The following NCOR2 variants were observed in gnomAD, a reference collection of about 807,000 sequenced individuals.
NCOR2 encodes CTG repeat protein 26.
Under a neutral mutation model 262.9 loss-of-function variants are expected in NCOR2, and 81 were observed. The observed-to-expected ratio is 0.31, with a 90% CI of 0.26 to 0.37. The LOEUF is 0.37. NCOR2 is among the 10% of genes least tolerant of loss of function. The probability of loss-of-function intolerance (pLI) is 1.00; values close to 1 mark genes in which losing one functional copy is unlikely to be tolerated. For missense variants in NCOR2, 3,385 were observed against 3,621.4 expected, an observed-to-expected ratio of 0.93 and a Z score of 1.68; for synonymous variants, 1,659 against 1,559.3, an observed-to-expected ratio of 1.06 and a Z score of -1.51.
intron 6 of NCOR2, among the ~76,000 whole-genome samples, chr12:124,456,629 T>C (rs1048971207): frequency 1.3e-5 from 2 of 152,218 alleles, no homozygotes; most frequent in Non-Finnish European, 2.9e-5. Flanking sequence ...TCCAGTGGAA[T>C]AGGTGCTGTT....
At chr12:124,362,991 T>G (rs912229807) in intron 21 of NCOR2, among the ~76,000 whole-genome samples, 38 of 151,922 alleles carry the variant, frequency 2.5e-4, no homozygotes, top group African/African-American at 9.2e-4. Context: ...AAGCCTGGCC[T>G]AGCAGCCTGG....
upstream of NCOR2, among the ~76,000 whole-genome samples, chr12:124,535,855 G>A (rs914335760): frequency 3.3e-5 from 5 of 151,742 alleles, no homozygotes; most frequent in African/African-American, 1.2e-4. Flanking sequence ...AAGTGACGGA[G>A]CTGTGATTCA....
chr12:124,350,662 G>T, exon 28 of NCOR2: 1 of 1,613,820 alleles, frequency 6.2e-7, no homozygotes, highest in Non-Finnish European at 8.5e-7. Context: ...TCCCGGCCGC[G>T]GTCCAAGCGA....
At chr12:124,362,045 A>T in intron 22 of NCOR2, 81 bp downstream of exon 24, 1 of 1,189,338 alleles carries the variant, frequency 8.4e-7, no homozygotes, top group Middle Eastern at 3.2e-4. Flanking sequence ...GGTTTGCAGC[A>T]GCTGCTCTAG....
intron 17 of NCOR2, among the ~76,000 whole-genome samples, chr12:124,382,120 G>T (rs1216062062): frequency 6.6e-6 from 1 of 152,232 alleles, no homozygotes; most frequent in African/African-American, 2.4e-5. Flanking sequence ...CTGATACTGC[G>T]TTAGGATTCA....
chr12:124,400,479 G>T, intron 15 of NCOR2, 22 bp downstream of exon 17: 1 of 1,604,172 alleles, frequency 6.2e-7, no homozygotes. Flanking sequence ...TTCCCCACCC[G>T]CATCCCTGGC....
intron 40 of NCOR2, 107 bp from the exon 43 acceptor site, chr12:124,334,724 C>T (rs2035723573): frequency 8.1e-6 from 5 of 619,920 alleles, no homozygotes; most frequent in African/African-American, 3.8e-5. Flanking sequence ...TGGGTGGGGC[C>T]AGCTTCCTGG....
chr12:124,487,348 G>C (rs1329651759), intron 1 of NCOR2, among the ~76,000 whole-genome samples: 1 of 152,250 alleles, frequency 6.6e-6, no homozygotes, highest in African/African-American at 2.4e-5. Flanking sequence ...CTGTAAAAGA[G>C]GAACTCCCCG....
intron 10 of NCOR2, among the ~76,000 whole-genome samples, chr12:124,428,830 CA>C (rs1409017980): frequency 6.6e-6 from 1 of 152,216 alleles, no homozygotes; most frequent in Admixed American, 6.5e-5. Flanking sequence ...TCTCCCTGGA[CA>C]AAAGTCCCCA....
intron 22 of NCOR2, among the ~76,000 whole-genome samples, chr12:124,361,568 A>C (rs2135962079): frequency 6.6e-6 from 1 of 152,296 alleles, no homozygotes; most frequent in South Asian, 2.1e-4. Flanking sequence ...AGTCACCCCC[A>C]ACCCTGGCTC....
chr12:124,411,543 A>G (rs1262755163), intron 13 of NCOR2, among the ~76,000 whole-genome samples: 1 of 152,178 alleles, frequency 6.6e-6, no homozygotes, highest in African/African-American at 2.4e-5. Flanking sequence ...CGGGAAGGCC[A>G]TATTGGCTAC....
At chr12:124,519,842 G>T (rs373254610) in intron 1 of NCOR2, among the ~76,000 whole-genome samples, 1 of 151,866 alleles carries the variant, frequency 6.6e-6, no homozygotes, top group Non-Finnish European at 1.5e-5. Context: ...CCCCTGAGCC[G>T]CCACACACAG....
intron 44 of NCOR2, among the ~76,000 whole-genome samples, chr12:124,329,375 T>C (rs910931850): frequency 6.6e-6 from 1 of 151,934 alleles, no homozygotes; most frequent in African/African-American, 2.4e-5. Context: ...GTGGAAGAAC[T>C]GCTGAAACCC....
chr12:124,372,050 C>T (rs2039562189), exon 20 of NCOR2: 17 of 1,599,468 alleles, frequency 1.1e-5, no homozygotes, highest in Non-Finnish European at 1.4e-5. Context: ...TCGGCCTCAT[C>T]CACCTCGTCT....
At chr12:124,544,460 C>A (rs1487008475) in intron 1 of NCOR2, among the ~76,000 whole-genome samples, 1 of 152,232 alleles carries the variant, frequency 6.6e-6, no homozygotes. Context: ...GGGGCACCAT[C>A]CGCCAGAAGC....
chr12:124,346,824 G>A lies in NCOR2; in HGVS notation c.4099C>T (p.Gln1367Ter). ...GCCTCCCGACGCAGGTAGTCCTCCT[G>A]TGCCTCCACGTAGGACCGAGGGATC... The change falls in exon 31 of 47, where the codon CAG (glutamine) becomes TAG (stop). Residue 1367 changes from glutamine to a stop codon, truncating the protein, a stop_gained. Transcript: ENST00000405201. LOFTEE classifies it high-confidence loss of function. The A allele has an allele frequency of 6.3e-7, 1 of 1,580,056 alleles. No homozygotes were observed.
chr12:124,553,390 C>G (rs759693420), intron 1 of NCOR2, among the ~76,000 whole-genome samples: 16 of 152,176 alleles, frequency 1.1e-4, no homozygotes, highest in Non-Finnish European at 2.2e-4. Flanking sequence ...TTCGGGGGAC[C>G]ATTACTCAGC....
exon 23 of NCOR2, chr12:124,356,685 G>A: frequency 6.8e-7 from 1 of 1,474,028 alleles, no homozygotes; most frequent in Non-Finnish European, 9.0e-7. Context: ...GGGCATGCGG[G>A]GAGGCCTTGA....
chr12:124,505,003 T>C (rs959250504), intron 1 of NCOR2, among the ~76,000 whole-genome samples: 9 of 152,244 alleles, frequency 5.9e-5, no homozygotes, highest in Non-Finnish European at 1.3e-4. Context: ...AATTGTTCAC[T>C]TTAGTATAGC....
Sources: allele counts gnomAD v4.1 joint callset (sites outside exome capture counted in the v4.1 genomes callset), GRCh38; gene constraint gnomAD v4.1.1; transcripts MANE v1.5; gene names NCBI Gene and HGNC (gene_info 2026-07-23, HGNC 2026-07-21).